The following ANKRD10 variants were observed in gnomAD, a reference collection of about 807,000 sequenced individuals.
ANKRD10 encodes ankyrin repeat domain-containing protein 10.
ANKRD10 carries 14 observed loss-of-function variants against 27.0 expected under a neutral mutation model. That is an observed-to-expected ratio of 0.52 (90% CI 0.34 to 0.81). The LOEUF is 0.81. Ranked by LOEUF, ANKRD10 falls within the 40% of genes least tolerant of loss-of-function variation. The probability of loss-of-function intolerance (pLI) is 0.01; values close to 1 mark genes in which losing one functional copy is unlikely to be tolerated. For missense variants in ANKRD10, 493 were observed against 544.0 expected (o/e 0.91, Z 0.93); for synonymous variants, 250 against 224.5 (o/e 1.11, Z -1.01).
rs1008978638 is a variant in ANKRD10, at chr13:110,911,941, ATT to A, written c.211-1173_211-1172del. On this transcript the variant is annotated intron_variant, in intron 1 of 5. Transcript: ENST00000267339. ...AATCAATAGAGGCCCCATTCTCCAC[ATT>A]TTTTTACTCTTTTCAAAACCCTATG... 5.3e-5 allele frequency among the ~76,000 whole-genome samples: 8 copies of A among 152,230 alleles called. No individual in the cohort carries two copies. The East Asian group carries it at 1.5e-3, about 29-fold the overall frequency.
At chr13:110,891,622 G>C (rs1442235463) in intron 4 of ANKRD10, among the ~76,000 whole-genome samples, 1 of 152,168 alleles carries the variant, frequency 6.6e-6, no homozygotes, top group Non-Finnish European at 1.5e-5. Flanking sequence ...AAATAAGGTA[G>C]AAAAGATGAT....
intron 5 of ANKRD10, 142 bp downstream of exon 5, chr13:110,883,556 T>A: frequency 7.1e-7 from 1 of 1,407,020 alleles, no homozygotes; most frequent in African/African-American, 1.4e-5. Flanking sequence ...TGCATACTGA[T>A]TCCTGCAACG....
rs148796869 is a variant in ANKRD10, at chr13:110,903,264, C to T, written c.455+2769G>A. 2.9e-4 allele frequency among the ~76,000 whole-genome samples: 44 copies of T among 152,284 alleles called. 1 individual carries two copies. The highest frequency in any genetic ancestry group is 9.4e-4 in the African/African-American group (39 of 41,556). ...TCACGTGCTTGCTGAAAACTCCATA[C>T]ACAGAGATTTAGGTCCTTTAAAGTA... On this transcript the variant is annotated intron_variant, in intron 3 of 5. Transcript: ENST00000267339.
chr13:110,900,833 T>TA, intron 3 of ANKRD10: 1 of 479,058 alleles, frequency 2.1e-6, no homozygotes, highest in Non-Finnish European at 3.6e-6. Flanking sequence ...TAAAAATACA[T>TA]AGACAACATA....
At chr13:110,881,256 T>G (rs1329140513) in intron 5 of ANKRD10, among the ~76,000 whole-genome samples, 1 of 152,192 alleles carries the variant, frequency 6.6e-6, no homozygotes, top group Non-Finnish European at 1.5e-5. Flanking sequence ...TTCTAATAAC[T>G]TTTAGAATGA....
At position 110,906,109 on chromosome 13, in the gene ANKRD10, T is replaced by C; in HGVS notation, c.379A>G (p.Thr127Ala). The C allele has an allele frequency of 6.2e-7, 1 of 1,600,182 alleles. No individual in the cohort carries two copies. The highest frequency in any genetic ancestry group is 8.5e-7 in the Non-Finnish European group (1 of 1,172,786). The change falls in exon 3 of 6, where the codon ACT becomes GCT. Residue 127 changes from threonine to alanine, a missense_variant. Physicochemically the swap from Thr to Ala is moderately conservative, Grantham distance 58. Coordinates refer to ENST00000267339, the MANE Select transcript of ANKRD10 (RefSeq NM_017664.4). ...NINKPDCEGE[T>A]PIHKAARSGS... is the part of the protein sequence containing the mutation. ...GAGCGAGCTGCCTTGTGAATGGGAGTTTCACCCTCACAATCCTGAAACAAC... is the reference window on the plus strand; with the variant it reads ...GAGCGAGCTGCCTTGTGAATGGGAGCTTCACCCTCACAATCCTGAAACAAC...
chr13:110,902,890 A>C (rs1437729923), intron 3 of ANKRD10, among the ~76,000 whole-genome samples: 1 of 152,204 alleles, frequency 6.6e-6, no homozygotes, highest in African/African-American at 2.4e-5. Context: ...TCCTCCACTT[A>C]TCTCTCAAGA....
intron 1 of ANKRD10, 130 bp downstream of exon 1, chr13:110,914,595 A>T: frequency 7.4e-7 from 1 of 1,360,536 alleles, no homozygotes; most frequent in Non-Finnish European, 9.7e-7. Flanking sequence ...CCCTCGGGGC[A>T]CAGGCGCCGT....
At chr13:110,913,414 T>C (rs919020258) in intron 1 of ANKRD10, among the ~76,000 whole-genome samples, 1 of 152,162 alleles carries the variant, frequency 6.6e-6, no homozygotes, top group African/African-American at 2.4e-5. Flanking sequence ...TGGGCACCTG[T>C]TTTCTCCAGC....
chr13:110,890,427 C>T (rs2065044085), intron 4 of ANKRD10, among the ~76,000 whole-genome samples: 1 of 152,132 alleles, frequency 6.6e-6, no homozygotes, highest in Non-Finnish European at 1.5e-5. Flanking sequence ...TAAAGATGCC[C>T]ATCTATGCTC....
intron 4 of ANKRD10, among the ~76,000 whole-genome samples, chr13:110,888,677 G>C (rs768073067): frequency 6.6e-5 from 10 of 152,176 alleles, no homozygotes; most frequent in Middle Eastern, 3.4e-3. Context: ...TGCTCAACAC[G>C]AACAGCTAAG....
chr13:110,883,876 G>C, intron 4 of ANKRD10, 83 bp from the exon 5 acceptor site: 14 of 1,437,558 alleles, frequency 9.7e-6, no homozygotes, highest in Non-Finnish European at 1.2e-5. Context: ...ATTATTTTGT[G>C]TGAGCACTGA....
chr13:110,890,727 G>A (rs1290086969), intron 4 of ANKRD10, among the ~76,000 whole-genome samples: 4 of 152,136 alleles, frequency 2.6e-5, no homozygotes, highest in Non-Finnish European at 2.9e-5. Flanking sequence ...CAGAAGTGCC[G>A]GCTCCAACCA....
intron 3 of ANKRD10, chr13:110,895,364 C>G (rs1456449820): frequency 6.6e-6 from 1 of 152,216 alleles, no homozygotes; most frequent in Non-Finnish European, 1.5e-5. Context: ...GGTGGATCAC[C>G]TGAGGTCAGG....
At chr13:110,898,665 T>C (rs1373436172) in intron 3 of ANKRD10, among the ~76,000 whole-genome samples, 1 of 151,924 alleles carries the variant, frequency 6.6e-6, no homozygotes, top group African/African-American at 2.4e-5. Context: ...GTCTACCTCC[T>C]GGGCTCAGGT....
intron 4 of ANKRD10, among the ~76,000 whole-genome samples, chr13:110,889,036 A>G (rs1413410423): frequency 1.4e-5 from 1 of 70,766 alleles, no homozygotes; most frequent in Non-Finnish European, 3.3e-5. Flanking sequence ...CAAAACAATT[A>G]TCAATCAGCA....
chr13:110,892,767 G>A, intron 4 of ANKRD10: 1 of 1,168,236 alleles, frequency 8.6e-7, no homozygotes, highest in Admixed American at 4.2e-5. Context: ...CTAATTCATG[G>A]CAGGTAAACA....
At chr13:110,888,157 T>C (rs908705408) in intron 4 of ANKRD10, among the ~76,000 whole-genome samples, 1 of 151,076 alleles carries the variant, frequency 6.6e-6, no homozygotes, top group Non-Finnish European at 1.5e-5. Flanking sequence ...GGGAACTGAG[T>C]GCTCTGGAAA....
chr13:110,879,240 G>C lies in ANKRD10; in HGVS notation c.*397C>G. On this transcript the variant is annotated 3_prime_UTR_variant, in exon 6 of 6. Coordinates refer to ENST00000267339, the MANE Select transcript of ANKRD10 (RefSeq NM_017664.4). ...ATTCTACAGAAAAGAGTGGAAGCAA[G>C]CTTTTTAAAATGATGCCCATGTGCA... 5.0e-6 allele frequency: 1 copy of C among 201,884 alleles called. No homozygotes were observed. The highest frequency in any genetic ancestry group is 1.1e-4 in the East Asian group (1 of 9,196). The allele number at this position is 201,884 out of a possible 1,614,324, so 12.5% of individuals were successfully genotyped here.
Sources: allele counts gnomAD v4.1 joint callset (sites outside exome capture counted in the v4.1 genomes callset), GRCh38; gene constraint gnomAD v4.1.1; transcripts MANE v1.5; gene names NCBI Gene and HGNC (gene_info 2026-07-23, HGNC 2026-07-21).